Variants in NOP14 observed in about 807,000 individuals in gnomAD.
NOP14 encodes NOP14 nucleolar protein.
Under a neutral mutation model 101.6 loss-of-function variants are expected in NOP14, and 57 were observed. The ratio of observed to expected loss-of-function variants is 0.56; its 90% CI spans 0.45 to 0.70. NOP14 has a LOEUF of 0.70. Among genes scored for constraint, NOP14 ranks in the 30% least tolerant of loss-of-function variants. The probability of loss-of-function intolerance (pLI) is 0.00; values close to 1 mark genes in which losing one functional copy is unlikely to be tolerated. For synonymous variants in NOP14, 428 were observed against 424.0 expected, an observed-to-expected ratio of 1.01 and a Z score of -0.12; for missense variants, 1,134 against 1,075.5, an observed-to-expected ratio of 1.05 and a Z score of -0.76.
chr4:2,953,741 C>T (rs1715172840), intron 4 of NOP14, 96 bp from the exon 5 acceptor site: 5 of 1,378,580 alleles, frequency 3.6e-6, no homozygotes, highest in Non-Finnish European at 5.0e-6. Flanking sequence ...ACAGTGATCA[C>T]TCAGTTGGCA....
intron 1 of NOP14, among the ~76,000 whole-genome samples, chr4:2,960,716 T>C (rs1014337255): frequency 8.1e-5 from 8 of 98,418 alleles, no homozygotes; most frequent in African/African-American, 1.5e-4. Context: ...AATATATTAA[T>C]ATTATAATCA....
intron 8 of NOP14, 70 bp downstream of exon 8, chr4:2,949,864 G>A (rs1466706609): frequency 2.0e-5 from 32 of 1,569,498 alleles, no homozygotes; most frequent in Admixed American, 6.8e-5. Flanking sequence ...GGAGGGAGAC[G>A]AACACACACA....
chr4:2,950,115 C>T lies in NOP14; in HGVS notation c.1101G>A (p.Gly367=), dbSNP rs1367879264. 4 of 1,614,204 alleles carry T rather than the reference C, an allele frequency of 2.5e-6. No homozygotes were observed. In the East Asian group the frequency reaches 6.7e-5, roughly 27 times the overall value. The change falls in exon 8 of 18, where the codon GGG becomes GGA. Residue 367 remains glycine (G), a synonymous_variant. Coordinates refer to ENST00000416614, the MANE Select transcript of NOP14 (RefSeq NM_001291978.2). The part of the protein sequence containing the change: ...SNEEEGDSSG[G]EDTEESDSPD... ...GGCTGTCGCTCTCCTCTGTGTCCTC[C>T]CCGCCTGAACTGTCACCTTCTTCCT...
rs953409645 is a variant in NOP14 at position 2,938,482 on chromosome 4, C to A, written c.*349G>T. On this transcript the variant is annotated 3_prime_UTR_variant, in exon 18 of 18. Transcript: ENST00000416614. ...TTGTGCCATTGCACTCCAGCCTGGG[C>A]AACAAGAGCAAAACTCCGTCTCAAA... The A allele has an allele frequency of 9.0e-6, 3 of 334,578 alleles. No individual in the cohort carries two copies. Among genetic ancestry groups the A allele is most frequent in the Non-Finnish European group, 1.7e-5 (3 of 172,904 alleles). The allele number at this position is 334,578 out of a possible 1,614,324, so 20.7% of individuals were successfully genotyped here.
At position 2,948,313 on chromosome 4, in the gene NOP14, G is replaced by A; in HGVS notation, c.1378C>T (p.Pro460Ser). The change falls in exon 9 of 18, where the codon CCG becomes TCG. Residue 460 changes from proline to serine, a missense_variant. By Grantham distance (74) the Pro-to-Ser change is moderately conservative (BLOSUM62 -1). Coordinates refer to ENST00000416614, the MANE Select transcript of NOP14 (RefSeq NM_001291978.2). ...VVERIQKCNHPSLAEGNKAKL... is the reference protein window; with the variant it reads ...VVERIQKCNHSSLAEGNKAKL... ...GCTTTGTTTCCTTCTGCGAGACTCGGGTGGTTGCACTTCTGAATTCTCTCC... is the reference window on the plus strand; with the variant it reads ...GCTTTGTTTCCTTCTGCGAGACTCGAGTGGTTGCACTTCTGAATTCTCTCC... 6.2e-7 allele frequency: 1 copy of A among 1,608,168 alleles called. No homozygotes were observed. The highest frequency in any genetic ancestry group is 8.5e-7 in the Non-Finnish European group (1 of 1,178,654).
chr4:2,943,493 G>A (rs1714378466), intron 13 of NOP14, among the ~76,000 whole-genome samples: 1 of 152,192 alleles, frequency 6.6e-6, no homozygotes, highest in Non-Finnish European at 1.5e-5. Context: ...TCAGGGGAAG[G>A]GGGAGGAGCA....
intron 1 of NOP14, among the ~76,000 whole-genome samples, chr4:2,962,460 A>C (rs1259062421): frequency 2.0e-5 from 3 of 152,302 alleles, no homozygotes; most frequent in African/African-American, 7.2e-5. Context: ...AGGCAAGGGC[A>C]AGTCTTATTT....
chr4:2,960,783 T>TA (rs1715728707), intron 1 of NOP14, among the ~76,000 whole-genome samples: 1 of 130,758 alleles, frequency 7.6e-6, no homozygotes, highest in Non-Finnish European at 1.5e-5. Flanking sequence ...ATTAATATTA[T>TA]AATCACATTA....
Position 2,963,117 on chromosome 4 carries a change from C to A in NOP14, c.195+8G>T, listed in dbSNP as rs746090592. 1 of 1,541,238 alleles carries A rather than the reference C, an allele frequency of 6.5e-7. No homozygotes were observed. The highest frequency in any genetic ancestry group is 8.7e-7 in the Non-Finnish European group (1 of 1,146,360). On this transcript the variant is annotated splice_region_variant and intron_variant, in intron 1 of 17. Transcript: ENST00000416614. ...TGCCTTCCGGCTCCCCGTGCGCCCC[C>A]CGCTTACCTTCCTGAGGGCCCGTGC... is the stretch of plus-strand genomic sequence containing the variant.
intron 13 of NOP14, among the ~76,000 whole-genome samples, chr4:2,943,580 T>C (rs1236354716): frequency 6.6e-6 from 1 of 152,242 alleles, no homozygotes; most frequent in African/African-American, 2.4e-5. Context: ...CTTGCCGCCC[T>C]CGCTCCTGAA....
At chr4:2,942,059 T>A in intron 14 of NOP14, 133 bp downstream of exon 14, 2 of 847,740 alleles carry the variant, frequency 2.4e-6, no homozygotes, top group South Asian at 3.6e-5. Context: ...TCAGAAAGGC[T>A]TTCGGCCTCC....
rs549778542 is a variant in NOP14, at chr4:2,950,207, T to C, written c.1009A>G (p.Lys337Glu). Residue 337 changes from lysine (K) to glutamate (E), a missense_variant, in exon 8 of 18, where the codon AAG (lysine) becomes GAG (glutamate). Transcript: ENST00000416614. ...DRRLLSYKDG[K>E]MNVEEDVQEE... is the part of the protein sequence containing the mutation. Reference sequence around the variant, plus strand: ...TGGACATCTTCCTCGACATTCATCTTTCCATCCTACCAAGAGCGTGGAAAC... The same window carrying C: ...TGGACATCTTCCTCGACATTCATCTCTCCATCCTACCAAGAGCGTGGAAAC... The C allele has an allele frequency of 6.2e-7, 1 of 1,613,592 alleles. No homozygotes were observed. Among genetic ancestry groups the C allele is most frequent in the South Asian group, 1.1e-5 (1 of 91,092 alleles).
chr4:2,942,234 C>G lies in NOP14; in HGVS notation c.2009G>C (p.Ser670Thr). ...QQSSLSLRWASRLRAPTSTEA... is the reference protein window; with the variant it reads ...QQSSLSLRWATRLRAPTSTEA... ...TGTCGAAGTTGGGGCCCTCAGTCTA[C>G]TCGCCCAGCGGAGGGAGAGGCTGCT... The change falls in exon 14 of 18, where the codon AGT (serine) becomes ACT (threonine). Residue 670 changes from serine to threonine, a missense_variant. By Grantham distance (58) the Ser-to-Thr change is moderately conservative. Transcript: ENST00000416614. 1.2e-6 allele frequency: 2 copies of G among 1,614,196 alleles called. No individual in the cohort carries two copies. Among genetic ancestry groups the G allele is most frequent in the Middle Eastern group, 1.6e-4 (1 of 6,062 alleles).
At position 2,954,496 on chromosome 4, in the gene NOP14, G is replaced by A. The variant is rs1178322441; in HGVS notation, c.540C>T (p.Gly180=). The part of the protein sequence containing the change: ...GLLHKKTQQE[G]EEREKPKSRK... Reference sequence around the variant, plus strand: ...GGGACTTCGGTTTCTCCCGCTCCTCGCCTTCCTGTTGAGTCTTCTTGTGAA... The same window carrying A: ...GGGACTTCGGTTTCTCCCGCTCCTCACCTTCCTGTTGAGTCTTCTTGTGAA... The change falls in exon 4 of 18, where the codon GGC becomes GGT. Residue 180 remains glycine, a synonymous_variant. Transcript: ENST00000416614. The A allele has an allele frequency of 3.1e-6, 5 of 1,614,058 alleles. No homozygotes were observed. The highest frequency in any genetic ancestry group is 2.2e-5 in the South Asian group (2 of 91,072).
chr4:2,947,030 C>A, intron 10 of NOP14: 1 of 213,478 alleles, frequency 4.7e-6, no homozygotes. Flanking sequence ...AGCCACCAGC[C>A]CTGGGGGCCA....
intron 13 of NOP14, 36 bp from the exon 14 acceptor site, chr4:2,942,387 AACATT>A: frequency 6.3e-7 from 1 of 1,597,060 alleles, no homozygotes; most frequent in Non-Finnish European, 8.6e-7. Flanking sequence ...AGATGGCCTG[AACATT>A]ACTGGGCTCC....
At position 2,946,402 on chromosome 4, in the gene NOP14, C is replaced by A. The variant is rs779092953; in HGVS notation, c.1635+10G>T. The A allele has an allele frequency of 6.2e-7, 1 of 1,614,034 alleles. No individual in the cohort carries two copies. The highest frequency in any genetic ancestry group is 2.2e-5 in the East Asian group (1 of 44,894). On this transcript the variant is annotated intron_variant, in intron 11 of 17. Coordinates refer to ENST00000416614, the MANE Select transcript of NOP14 (RefSeq NM_001291978.2). ...TGGCAGGGGCAGTGCCTAGACTGAACTCTGCTTACCACATCCAACCCTGGC... is the reference window on the plus strand; with the variant it reads ...TGGCAGGGGCAGTGCCTAGACTGAAATCTGCTTACCACATCCAACCCTGGC...
In NOP14 at chr4:2,938,843, CT is replaced by C. The variant is rs1258309529; in HGVS notation, c.2561del (p.Lys854SerfsTer88). 1 of 1,612,730 alleles carries C rather than the reference CT, an allele frequency of 6.2e-7. No individual in the cohort carries two copies. Among genetic ancestry groups the C allele is most frequent in the Non-Finnish European group, 8.5e-7 (1 of 1,179,328 alleles). On this transcript the variant is annotated frameshift_variant, in exon 18 of 18. Transcript: ENST00000416614. LOFTEE classifies it high-confidence loss of function. Reference protein sequence around the residue: ...EGEWKALKRKKFKK With the variant: ...EGEWKALKRKXFKK Reference sequence around the variant, plus strand: ...TATAAAATGTAATTTATTTTTTGAACTTTTTCCTCTTCAGAGCCTTCCATTC... The same window carrying C: ...TATAAAATGTAATTTATTTTTTGAACTTTTCCTCTTCAGAGCCTTCCATTC...
In NOP14 at chr4:2,963,267, G is replaced by A. The variant is rs1716286603; in HGVS notation, c.53C>T (p.Ala18Val). The A allele has an allele frequency of 1.9e-6, 3 of 1,590,718 alleles. No homozygotes were observed. Among genetic ancestry groups the A allele is most frequent in the Non-Finnish European group, 2.6e-6 (3 of 1,171,240 alleles). Residue 18 changes from alanine (A) to valine (V), a missense_variant, in exon 1 of 18, where the codon GCG becomes GTG. Coordinates refer to ENST00000416614, the MANE Select transcript of NOP14 (RefSeq NM_001291978.2). ...GARRKASGAP[A>V]GARGGPAKAN... is the part of the protein sequence containing the mutation. ...CTTCGCCGGGCCCCCTCGCGCTCCC[G>A]CCGGCGCCCCGGAGGCCTTCCTTCG... is the stretch of plus-strand genomic sequence containing the variant.
Sources: gnomAD v4.1 joint callset for allele counts (sites outside exome capture counted in the v4.1 genomes callset) on GRCh38, gnomAD v4.1.1 for gene constraint, MANE v1.5 for transcripts, NCBI Gene and HGNC (gene_info 2026-07-23, HGNC 2026-07-21) for gene names.